The following NFIC variants were observed in gnomAD, a reference collection of about 807,000 sequenced individuals.
The protein encoded by NFIC is nuclear factor 1 C-type.
In NFIC, 12 loss-of-function variants were observed where a neutral mutation model predicts 54.4. The ratio of observed to expected loss-of-function variants is 0.22; its 90% CI spans 0.14 to 0.36. The LOEUF (loss-of-function observed/expected upper bound fraction) is 0.36. Ranked by LOEUF, NFIC falls within the 10% of genes least tolerant of loss-of-function variation. The pLI is 1.00. For synonymous variants in NFIC, 322 were observed against 319.2 expected (o/e 1.01, Z -0.09); for missense variants, 575 against 718.2 (o/e 0.80, Z 2.28).
intron 9 of NFIC, chr19:3,454,349 A>C: frequency 1.2e-6 from 1 of 840,930 alleles, no homozygotes; most frequent in Non-Finnish European, 1.4e-6. Flanking sequence ...GTTTTACATA[A>C]ACATTTCCAG....
rs946068252 is a variant in NFIC, at chr19:3,459,199, C to T, written c.1509+2564C>T. Among the ~76,000 whole-genome samples the T allele has an allele frequency of 1.3e-5, 2 of 151,078 alleles. No homozygotes were observed. The highest frequency in any genetic ancestry group is 6.6e-5 in the Admixed American group (1 of 15,156). ...TCCTCCCCCAAAGCCTGGGTGGGCG[C>T]GCCTTTCCCTCTGCCTCTCCGGCTC... On this transcript the variant is annotated intron_variant, in intron 10 of 10. Coordinates refer to ENST00000443272, the MANE Select transcript of NFIC (RefSeq NM_001245002.2). This position sits in a 1 kb window ranked among gnomAD's most constrained non-coding sequence, Gnocchi z 4.2.
At chr19:3,392,831 C>T (rs1186033016) in intron 2 of NFIC, among the ~76,000 whole-genome samples, 1 of 152,208 alleles carries the variant, frequency 6.6e-6, no homozygotes, top group South Asian at 2.1e-4. Context: ...TTGGGGACAC[C>T]GGATGTCTCG....
chr19:3,401,690 AG>A (rs1457101530), intron 2 of NFIC, among the ~76,000 whole-genome samples: 1 of 151,132 alleles, frequency 6.6e-6, no homozygotes, highest in Non-Finnish European at 1.5e-5. Flanking sequence ...GCCCTAACCC[AG>A]GTACGCCACC....
chr19:3,463,057 G>T lies in NFIC; in HGVS notation c.*288G>T. On this transcript the variant is annotated 3_prime_UTR_variant, in exon 11 of 11. Transcript: ENST00000443272. ...TCGGGACGCCAAGGCCGCAGGACTG[G>T]AGGGCCAGGCCCCGCCACCCCCACG... The T allele has an allele frequency of 7.5e-7, 1 of 1,331,084 alleles. No individual in the cohort carries two copies. Among genetic ancestry groups the T allele is most frequent in the Non-Finnish European group, 9.6e-7 (1 of 1,043,790 alleles). 82.5% of individuals were successfully genotyped at this position (1,331,084 alleles called of 1,614,324 possible).
At chr19:3,386,936 G>C (rs1425698449) in intron 2 of NFIC, among the ~76,000 whole-genome samples, 1 of 152,238 alleles carries the variant, frequency 6.6e-6, no homozygotes, top group Non-Finnish European at 1.5e-5. Flanking sequence ...GCTGATCCCA[G>C]TGGTTGTCAC....
In NFIC at chr19:3,466,618, C is replaced by T. The variant is rs1433329284; in HGVS notation, c.*3849C>T. The T allele has an allele frequency of 1.3e-5, 2 of 152,042 alleles. No homozygotes were observed. The highest frequency in any genetic ancestry group is 2.9e-5 in the Non-Finnish European group (2 of 68,016). 9.4% of individuals were successfully genotyped at this position (152,042 alleles called of 1,614,324 possible). ...AGTAATATGCATTGGCCAGAGAGCC[C>T]GGGCTGGCTGTGCACAGCATTCATG... On this transcript the variant is annotated 3_prime_UTR_variant, in exon 11 of 11. Coordinates refer to ENST00000443272, the MANE Select transcript of NFIC (RefSeq NM_001245002.2). The surrounding 1 kb of genome is among the most constrained non-coding windows in gnomAD (Gnocchi z 4.8).
intron 6 of NFIC, among the ~76,000 whole-genome samples, chr19:3,444,705 GA>G (rs1402266031): frequency 6.6e-6 from 1 of 152,188 alleles, no homozygotes; most frequent in Non-Finnish European, 1.5e-5. Flanking sequence ...TTCCATCCAG[GA>G]CAAGCGGTTC....
rs764656969 is a variant in NFIC at position 3,453,855 on chromosome 19, C to T, written c.1362C>T (p.Leu454=). Residue 454 remains leucine, a synonymous_variant, in exon 9 of 11, where the codon CTC becomes CTT. Coordinates refer to ENST00000443272, the MANE Select transcript of NFIC (RefSeq NM_001245002.2). This position sits in a 1 kb window ranked among gnomAD's most constrained non-coding sequence, Gnocchi z 6.7. ...PPPPGLPRLA[L]PPATKPATTS... The stretch of plus-strand genomic sequence containing the variant: ...CCCCGGGGCTGCCACGGCTGGCGCT[C>T]CCCCCTGCCACCAAACCCGCCACCA... The T allele has an allele frequency of 4.0e-5, 63 of 1,569,672 alleles. 1 individual carries two copies. The South Asian group carries it at 7.0e-4, about 17-fold the overall frequency.
At chr19:3,429,121 C>T (rs75598625) in intron 3 of NFIC, among the ~76,000 whole-genome samples, 2 of 116,654 alleles carry the variant, frequency 1.7e-5, no homozygotes, top group Non-Finnish European at 3.3e-5. Context: ...CCTATCTCTA[C>T]CCAAAAAAAA....
rs540980231 is a variant in NFIC at position 3,388,326 on chromosome 19, G to T, written c.562+6083G>T. Among the ~76,000 whole-genome samples the T allele has an allele frequency of 3.9e-5, 6 of 152,280 alleles. No individual in the cohort carries two copies. In the South Asian group the frequency reaches 1.2e-3, roughly 32 times the overall value. ...TGATGGCGGCAAACACACATGGCGT[G>T]CCCTCTGTGTGCCAGGCTCCGAGGC... is the stretch of plus-strand genomic sequence containing the variant. On this transcript the variant is annotated intron_variant, in intron 2 of 10. Transcript: ENST00000443272.
chr19:3,380,203 A>G (rs2081180322), intron 1 of NFIC, among the ~76,000 whole-genome samples: 1 of 136,470 alleles, frequency 7.3e-6, no homozygotes, highest in African/African-American at 2.8e-5. Context: ...ACGGGGTTTC[A>G]CTGTGTTAGC....
chr19:3,376,154 G>A (rs771766934), intron 1 of NFIC, among the ~76,000 whole-genome samples: 12 of 152,110 alleles, frequency 7.9e-5, no homozygotes, highest in Admixed American at 1.3e-4. Flanking sequence ...CGCAGCAATC[G>A]CGTCCATAGT....
At chr19:3,414,424 G>A (rs1474741288) in intron 2 of NFIC, among the ~76,000 whole-genome samples, 4 of 151,856 alleles carry the variant, frequency 2.6e-5, no homozygotes, top group East Asian at 1.9e-4. Context: ...GCAAAACCCT[G>A]TCTCTACTAA....
At position 3,462,999 on chromosome 19, in the gene NFIC, A is replaced by C; in HGVS notation, c.*230A>C. 2 of 1,408,932 alleles carry C rather than the reference A, an allele frequency of 1.4e-6. No individual in the cohort carries two copies. Among genetic ancestry groups the C allele is most frequent in the Non-Finnish European group, 1.8e-6 (2 of 1,088,332 alleles). The allele number at this position is 1,408,932 out of a possible 1,614,324, so 87.3% of individuals were successfully genotyped here. Reference sequence around the variant, plus strand: ...GAAATAAAAACCCACCCAAGCAAGAAGACAAAAGGTAAAGACGCAACGTTT... The same window carrying C: ...GAAATAAAAACCCACCCAAGCAAGACGACAAAAGGTAAAGACGCAACGTTT... On this transcript the variant is annotated 3_prime_UTR_variant, in exon 11 of 11. Coordinates refer to ENST00000443272, the MANE Select transcript of NFIC (RefSeq NM_001245002.2).
chr19:3,380,225 C>T (rs970695401), intron 1 of NFIC, among the ~76,000 whole-genome samples: 3 of 147,090 alleles, frequency 2.0e-5, no homozygotes, highest in Non-Finnish European at 3.0e-5. Context: ...AGGATGGTCT[C>T]AATCTCCTGA....
chr19:3,460,138 C>T (rs565910757), intron 10 of NFIC, among the ~76,000 whole-genome samples: 23 of 152,352 alleles, frequency 1.5e-4, no homozygotes, highest in African/African-American at 5.5e-4. Context: ...TCTCCCGCCT[C>T]TGGGAGGTTG....
At chr19:3,434,486 C>G in intron 5 of NFIC, 86 bp downstream of exon 5, 2 of 1,457,754 alleles carry the variant, frequency 1.4e-6, no homozygotes, top group Non-Finnish European at 1.8e-6. Flanking sequence ...TCATTCCTCT[C>G]CCTGGAATAC....
At chr19:3,406,447 C>G (rs143730626) in intron 2 of NFIC, among the ~76,000 whole-genome samples, 7,961 of 151,100 alleles carry the variant, frequency 0.053, 236 homozygotes, top group Middle Eastern at 0.16. Context: ...AAGCTGGTCT[C>G]GAACTTCTGA....
At chr19:3,456,710 G>A (rs1413316802) in intron 10 of NFIC, 75 bp downstream of exon 10, 3 of 1,316,316 alleles carry the variant, frequency 2.3e-6, no homozygotes, top group Non-Finnish European at 3.2e-6. Context: ...TCAGGGCGAA[G>A]AGGGCCTGCT....
Sources: gnomAD v4.1 joint callset for allele counts (sites outside exome capture counted in the v4.1 genomes callset) on GRCh38, gnomAD v4.1.1 for gene constraint, Gnocchi (gnomAD v3.1) non-coding constraint, MANE v1.5 for transcripts, NCBI Gene and HGNC (gene_info 2026-07-23, HGNC 2026-07-21) for gene names.